ADAM10: variants seen among roughly 807,000 people sequenced by gnomAD.
ADAM10 encodes the protein disintegrin and metalloproteinase domain-containing protein 10.
ADAM10 carries 17 observed loss-of-function variants against 90.1 expected under a neutral mutation model. The ratio of observed to expected loss-of-function variants is 0.19; its 90% CI spans 0.13 to 0.28. The LOEUF (loss-of-function observed/expected upper bound fraction) is 0.28, where lower values mean the gene tolerates loss of function less well. Ranked by LOEUF, ADAM10 falls within the 10% of genes least tolerant of loss-of-function variation. The pLI is 1.00. For synonymous variants in ADAM10, 310 were observed against 298.6 expected (o/e 1.04, Z -0.40); for missense variants, 610 against 914.3 (o/e 0.67, Z 4.29).
In ADAM10 at chr15:58,749,598, G is replaced by A; in HGVS notation, c.-64C>T. 1.3e-6 allele frequency: 2 copies of A among 1,547,400 alleles called. No homozygotes were observed. Among genetic ancestry groups the A allele is most frequent in the Non-Finnish European group, 8.7e-7 (1 of 1,144,832 alleles). The stretch of plus-strand genomic sequence containing the variant: ...GTTAACAGCAGCACATCGATCCGGA[G>A]GGAGAAGCTGAAGGGGCTTGGTCCG... On this transcript the variant is annotated 5_prime_UTR_variant, in exon 1 of 16. Coordinates refer to ENST00000260408, the MANE Select transcript of ADAM10 (RefSeq NM_001110.4).
chr15:58,660,745 CTCT>C (rs1217697414), intron 5 of ADAM10, among the ~76,000 whole-genome samples: 6 of 151,352 alleles, frequency 4.0e-5, no homozygotes, highest in East Asian at 1.9e-4. Flanking sequence ...AAATTATTTC[CTCT>C]TCTTTTTTCA....
At chr15:58,599,566 C>A (rs747863759) in intron 15 of ADAM10, 32 bp downstream of exon 15, 7 of 1,609,490 alleles carry the variant, frequency 4.3e-6, no homozygotes, top group Non-Finnish European at 4.3e-6. Flanking sequence ...TTCTGAGTTA[C>A]ATAAATATGT....
chr15:58,706,777 A>C (rs897796307), intron 2 of ADAM10, among the ~76,000 whole-genome samples: 1 of 152,090 alleles, frequency 6.6e-6, no homozygotes, highest in Non-Finnish European at 1.5e-5. Context: ...TTGGGAGGCC[A>C]AGGCAGGTGG....
At chr15:58,606,203 T>C (rs1324172017) in intron 14 of ADAM10, among the ~76,000 whole-genome samples, 1 of 152,148 alleles carries the variant, frequency 6.6e-6, no homozygotes, top group East Asian at 1.9e-4. Context: ...GGGCAGAAAG[T>C]TTCCTTTCAA....
At chr15:58,675,358 A>G (rs1897286008) in intron 4 of ADAM10, among the ~76,000 whole-genome samples, 1 of 152,250 alleles carries the variant, frequency 6.6e-6, no homozygotes, top group Admixed American at 6.5e-5. Flanking sequence ...TAGAATAAAA[A>G]AATTACTCAG....
intron 1 of ADAM10, chr15:58,748,067 C>G (rs1204120731): frequency 6.6e-6 from 1 of 152,084 alleles, no homozygotes; most frequent in Admixed American, 6.5e-5. Flanking sequence ...GCACATAATC[C>G]TTTTTAAAAC....
intron 3 of ADAM10, among the ~76,000 whole-genome samples, chr15:58,681,533 G>A (rs1897442414): frequency 6.6e-6 from 1 of 152,130 alleles, no homozygotes; most frequent in Admixed American, 6.5e-5. Flanking sequence ...ACTTACTAAT[G>A]TACAGTTATA....
intron 1 of ADAM10, among the ~76,000 whole-genome samples, chr15:58,726,518 T>G (rs1401050727): frequency 4.3e-5 from 5 of 117,048 alleles, no homozygotes; most frequent in Non-Finnish European, 8.0e-5. Context: ...TGAGCCGAGA[T>G]CGCGCCACTA....
At chr15:58,607,059 A>C (rs1595985609) in intron 14 of ADAM10, among the ~76,000 whole-genome samples, 2 of 152,232 alleles carry the variant, frequency 1.3e-5, no homozygotes, top group African/African-American at 4.8e-5. Flanking sequence ...ATAATTTTTA[A>C]ATTTTTTTCA....
intron 14 of ADAM10, among the ~76,000 whole-genome samples, chr15:58,607,434 G>C (rs1408621924): frequency 1.3e-5 from 2 of 152,144 alleles, no homozygotes; most frequent in Non-Finnish European, 2.9e-5. Flanking sequence ...TTTATTTATT[G>C]CAGGTCTTCT....
At chr15:58,649,047 A>G (rs1298572813) in intron 5 of ADAM10, among the ~76,000 whole-genome samples, 3 of 152,078 alleles carry the variant, frequency 2.0e-5, no homozygotes, top group Non-Finnish European at 2.9e-5. Context: ...GGTGCATTTA[A>G]TCCATTTACC....
chr15:58,725,014 A>T (rs148933978), intron 1 of ADAM10, among the ~76,000 whole-genome samples: 338 of 151,628 alleles, frequency 2.2e-3, no homozygotes, highest in Non-Finnish European at 2.8e-3. Context: ...AACATGACCA[A>T]ACCCTGTCTC....
intron 11 of ADAM10, among the ~76,000 whole-genome samples, chr15:58,619,889 G>A (rs1361870305): frequency 2.0e-5 from 3 of 151,196 alleles, no homozygotes; most frequent in African/African-American, 7.3e-5. Flanking sequence ...GGGCGACAGT[G>A]CAAGACTCCA....
intron 13 of ADAM10, chr15:58,610,769 A>G: frequency 1.6e-6 from 1 of 633,098 alleles, no homozygotes. Flanking sequence ...GTTTATGTAA[A>G]TTACTGCTGT....
chr15:58,625,986 G>A (rs1290298215), intron 10 of ADAM10, among the ~76,000 whole-genome samples: 1 of 152,082 alleles, frequency 6.6e-6, no homozygotes, highest in Non-Finnish European at 1.5e-5. Context: ...GGGTAGCAGG[G>A]GGGAGGAAGG....
intron 6 of ADAM10, 138 bp from the exon 7 acceptor site, chr15:58,644,116 T>G (rs1199932049): frequency 3.0e-6 from 2 of 675,166 alleles, no homozygotes; most frequent in Non-Finnish European, 5.2e-6. Flanking sequence ...ATACTGGACA[T>G]AAATATAAAA....
chr15:58,727,495 T>C (rs1178069066), intron 1 of ADAM10, among the ~76,000 whole-genome samples: 2 of 152,120 alleles, frequency 1.3e-5, no homozygotes, highest in African/African-American at 4.8e-5. Context: ...CCAGCCTGGC[T>C]AATCTTTCTT....
At chr15:58,612,993 C>T (rs1234205502) in intron 11 of ADAM10, among the ~76,000 whole-genome samples, 1 of 152,232 alleles carries the variant, frequency 6.6e-6, no homozygotes, top group African/African-American at 2.4e-5. Context: ...GCCAGCACCG[C>T]AGCAGGTGCT....
chr15:58,693,197 T>A lies in ADAM10; in HGVS notation c.207-10883A>T, dbSNP rs369002289. On this transcript the variant is annotated intron_variant, in intron 2 of 15. Transcript: ENST00000260408. ...TCTCCATGGTACACCTCTGCAGGCA[T>A]CTTGAAAGGAAAAGGCTTACAAGTA... The A allele has an allele frequency of 5.2e-5, 36 of 692,184 alleles. No homozygotes were observed. The East Asian group carries it at 1.0e-3, about 19-fold the overall frequency. The allele number at this position is 692,184 out of a possible 1,614,324, so 42.9% of individuals were successfully genotyped here. A position where few individuals can be genotyped will look rare whatever the true frequency, so the allele number is the denominator to read the frequency against.
Sources: allele counts gnomAD v4.1 joint callset (sites outside exome capture counted in the v4.1 genomes callset), GRCh38; gene constraint gnomAD v4.1.1; transcripts MANE v1.5; gene names NCBI Gene and HGNC (gene_info 2026-07-23, HGNC 2026-07-21).